SLC38A8: variants seen among roughly 807,000 people sequenced by gnomAD.
SLC38A8 encodes the protein amino acid transporter SLC38A8.
In SLC38A8, 65 loss-of-function variants were observed where a neutral mutation model predicts 46.0. The observed-to-expected ratio is 1.41, with a 90% CI of 1.16 to 1.74. SLC38A8 has a LOEUF of 1.74. Among genes scored for constraint, SLC38A8 ranks in the 40% most tolerant of loss-of-function variants. The probability of loss-of-function intolerance (pLI) is 0.00; values close to 1 mark genes in which losing one functional copy is unlikely to be tolerated. For synonymous variants in SLC38A8, 447 were observed against 243.7 expected (o/e 1.83, Z -7.77); for missense variants, 998 against 567.9 (o/e 1.76, Z -7.70).
intron 6 of SLC38A8, among the ~76,000 whole-genome samples, chr16:84,023,488 GA>G (rs2085120322): frequency 1.3e-5 from 2 of 152,092 alleles, no homozygotes; most frequent in African/African-American, 4.8e-5. Context: ...ACCAAGAGCA[GA>G]GGGCGTAAGT....
At chr16:84,017,553 T>G (rs1018828777) in intron 7 of SLC38A8, among the ~76,000 whole-genome samples, 1 of 152,172 alleles carries the variant, frequency 6.6e-6, no homozygotes, top group Non-Finnish European at 1.5e-5. Flanking sequence ...TCACCCACAG[T>G]GCGTGTGTTG....
rs1016234591 is a variant in SLC38A8, at chr16:84,009,692, G to T, written c.*92C>A. 9.1e-7 allele frequency: 1 copy of T among 1,096,054 alleles called. No homozygotes were observed. The highest frequency in any genetic ancestry group is 1.3e-6 in the Non-Finnish European group (1 of 763,998). The allele number at this position is 1,096,054 out of a possible 1,614,324, so 67.9% of individuals were successfully genotyped here. A position where few individuals can be genotyped will look rare whatever the true frequency, so the allele number is the denominator to read the frequency against. On this transcript the variant is annotated 3_prime_UTR_variant, in exon 11 of 11. Transcript: ENST00000299709. The stretch of plus-strand genomic sequence containing the variant: ...TCAGTCTCTCCAGCATCTTTATGAG[G>T]AAAAGAAATGGCATCGGTCTCCTGG...
intron 3 of SLC38A8, among the ~76,000 whole-genome samples, chr16:84,034,659 G>C (rs1302975629): frequency 6.6e-6 from 1 of 152,226 alleles, no homozygotes. Context: ...TGTGAGAATA[G>C]CTCAAGCGTA....
At chr16:84,031,512 C>G (rs902288924) in intron 5 of SLC38A8, among the ~76,000 whole-genome samples, 1 of 152,200 alleles carries the variant, frequency 6.6e-6, no homozygotes, top group Non-Finnish European at 1.5e-5. Flanking sequence ...TTGGCCACAC[C>G]GGCCTCCTCA....
chr16:84,033,331 G>T lies in SLC38A8; in HGVS notation c.527C>A (p.Thr176Lys). 1.9e-6 allele frequency: 3 copies of T among 1,614,012 alleles called. No individual in the cohort carries two copies. The highest frequency in any genetic ancestry group is 1.1e-5 in the South Asian group (1 of 91,074). Residue 176 changes from threonine (T) to lysine (K), a missense_variant, in exon 4 of 11, where the codon ACA (threonine) becomes AAA (lysine). Transcript: ENST00000299709. ...CAGGCAGCATCCCAGCCCTTACCTT[G>T]TGTATTTCTGGAAGGCGATCTCCCG... Reference protein sequence around the residue: ...APREIAFQKYTSILGTLAACY... With the variant: ...APREIAFQKYKSILGTLAACY...
intron 2 of SLC38A8, 111 bp from the exon 3 acceptor site, chr16:84,037,011 G>A (rs1030099177): frequency 1.8e-6 from 2 of 1,126,812 alleles, no homozygotes; most frequent in African/African-American, 1.6e-5. Flanking sequence ...ACAGAGGCCA[G>A]GGCTGCTGCC....
chr16:84,031,546 C>A (rs2085238143), intron 5 of SLC38A8, among the ~76,000 whole-genome samples: 3 of 150,974 alleles, frequency 2.0e-5, no homozygotes, highest in African/African-American at 4.8e-5. Flanking sequence ...CCGGTACATG[C>A]AGCTGGATGG....
intron 5 of SLC38A8, among the ~76,000 whole-genome samples, chr16:84,030,591 C>T (rs1597269856): frequency 6.6e-6 from 1 of 152,188 alleles, no homozygotes; most frequent in Admixed American, 6.5e-5. Context: ...CCCAGGGACC[C>T]GCCCTGCTCA....
At chr16:84,019,650 C>G (rs2085072668) in intron 7 of SLC38A8, among the ~76,000 whole-genome samples, 1 of 152,306 alleles carries the variant, frequency 6.6e-6, no homozygotes, top group East Asian at 1.9e-4. Flanking sequence ...ATTCCAACCC[C>G]ATGACCCCAA....
intron 9 of SLC38A8, among the ~76,000 whole-genome samples, chr16:84,016,155 C>G (rs866362441): frequency 2.3e-4 from 35 of 152,302 alleles, no homozygotes; most frequent in Middle Eastern, 3.4e-3. Context: ...CTTATAAAAC[C>G]ATCAGATCTC....
intron 7 of SLC38A8, among the ~76,000 whole-genome samples, chr16:84,019,692 G>A (rs1009164890): frequency 2.0e-5 from 3 of 152,186 alleles, no homozygotes; most frequent in Non-Finnish European, 2.9e-5. Flanking sequence ...CAACTCAGAG[G>A]TCCAAAGTCC....
upstream of SLC38A8, among the ~76,000 whole-genome samples, chr16:84,043,059 C>T (rs2085385024): frequency 6.6e-6 from 1 of 152,188 alleles, no homozygotes; most frequent in African/African-American, 2.4e-5. Flanking sequence ...GCCTCCTCCT[C>T]TGCAGAACAG....
intron 6 of SLC38A8, among the ~76,000 whole-genome samples, chr16:84,023,808 C>T (rs908509780): frequency 2.0e-5 from 3 of 152,196 alleles, no homozygotes; most frequent in African/African-American, 7.2e-5. Context: ...GCAGGTGAAT[C>T]ACTGGAATTC....
At chr16:84,039,468 G>A (rs1459044608) in intron 2 of SLC38A8, among the ~76,000 whole-genome samples, 1 of 152,138 alleles carries the variant, frequency 6.6e-6, no homozygotes, top group Non-Finnish European at 1.5e-5. Context: ...AGGGGGGCCG[G>A]GTACGGTGGC....
chr16:84,026,301 C>G (rs1276200346), intron 6 of SLC38A8, among the ~76,000 whole-genome samples: 1 of 152,172 alleles, frequency 6.6e-6, no homozygotes, highest in Non-Finnish European at 1.5e-5. Context: ...ATGATCTTGG[C>G]TCACTGCAAC....
chr16:84,021,193 G>C (rs1439084757), intron 7 of SLC38A8, among the ~76,000 whole-genome samples: 2 of 152,160 alleles, frequency 1.3e-5, no homozygotes, highest in Non-Finnish European at 2.9e-5. Flanking sequence ...CTCCCAAGCA[G>C]CTGGGATTAC....
intron 6 of SLC38A8, among the ~76,000 whole-genome samples, chr16:84,024,435 T>C (rs1215137191): frequency 1.3e-5 from 2 of 151,644 alleles, no homozygotes; most frequent in Admixed American, 6.6e-5. Context: ...TGCTTTGGCC[T>C]CCCTAAGTGC....
chr16:84,032,431 C>T (rs1185300129), intron 4 of SLC38A8, among the ~76,000 whole-genome samples: 1 of 152,216 alleles, frequency 6.6e-6, no homozygotes, highest in Non-Finnish European at 1.5e-5. Context: ...TCGTGATCTG[C>T]CTGCCTTGGC....
Position 84,038,688 on chromosome 16 carries a change from G to A in SLC38A8, c.190-1788C>T, listed in dbSNP as rs184084274. ...AACTGCTACCCACAGGCGGAACATC[G>A]CCACACCCCGGACGGTGCCACGAGT... On this transcript the variant is annotated intron_variant, in intron 2 of 10. Transcript: ENST00000299709. Among the ~76,000 whole-genome samples the A allele has an allele frequency of 3.1e-4, 47 of 152,200 alleles. No individual in the cohort carries two copies. In the East Asian group the frequency reaches 5.8e-3, roughly 19 times the overall value.
Sources: gnomAD v4.1 joint callset for allele counts (sites outside exome capture counted in the v4.1 genomes callset) on GRCh38, gnomAD v4.1.1 for gene constraint, MANE v1.5 for transcripts, NCBI Gene and HGNC (gene_info 2026-07-23, HGNC 2026-07-21) for gene names.